MGAT5: variants seen among roughly 807,000 people sequenced by gnomAD.
The protein encoded by MGAT5 is alpha-1,6-mannosylglycoprotein 6-beta-N-acetylglucosaminyltransferase A.
MGAT5 carries 30 observed loss-of-function variants against 94.3 expected under a neutral mutation model. That is an observed-to-expected ratio of 0.32 (90% CI 0.24 to 0.43). MGAT5 has a LOEUF of 0.43. Ranked by LOEUF, MGAT5 falls within the 20% of genes least tolerant of loss-of-function variation. The pLI, the probability that MGAT5 is intolerant of heterozygous loss-of-function variation, is 1.00. For missense variants in MGAT5, 691 were observed against 905.5 expected (o/e 0.76, Z 3.04); for synonymous variants, 310 against 322.9 (o/e 0.96, Z 0.43).
intron 1 of MGAT5, among the ~76,000 whole-genome samples, chr2:134,239,627 C>A (rs1681860715): frequency 6.6e-6 from 1 of 151,950 alleles, no homozygotes; most frequent in South Asian, 2.1e-4. Flanking sequence ...TCTTTTTCCC[C>A]TTTTAAGGTC....
intron 11 of MGAT5, among the ~76,000 whole-genome samples, chr2:134,404,253 C>T (rs964722797): frequency 7.2e-5 from 11 of 152,128 alleles, no homozygotes; most frequent in African/African-American, 2.7e-4. Flanking sequence ...CTCTGGCTCG[C>T]TTTGTTTTCA....
At chr2:134,432,730 C>T (rs1318976529) in intron 14 of MGAT5, among the ~76,000 whole-genome samples, 1 of 152,166 alleles carries the variant, frequency 6.6e-6, no homozygotes, top group African/African-American at 2.4e-5. Flanking sequence ...GGCAAGTTAC[C>T]TAACATCTCT....
At chr2:134,206,449 C>T (rs1044323649) in intron 1 of MGAT5, among the ~76,000 whole-genome samples, 8 of 152,134 alleles carry the variant, frequency 5.3e-5, no homozygotes, top group Admixed American at 3.3e-4. Flanking sequence ...GTATTAATTG[C>T]CTATTGCTGC....
intron 14 of MGAT5, among the ~76,000 whole-genome samples, chr2:134,428,676 A>C (rs1296022509): frequency 6.6e-6 from 1 of 152,140 alleles, no homozygotes; most frequent in East Asian, 1.9e-4. Context: ...ATAACAAGAG[A>C]GATGGGATGA....
At position 134,449,698 on chromosome 2, in the gene MGAT5, G is replaced by A. The variant is rs1015943979; in HGVS notation, c.*851G>A. ...GGATTGAGGGATTTTGGAGTTTCTG[G>A]TAAACTCACCCTCCCTCCAGCCCCG... On this transcript the variant is annotated 3_prime_UTR_variant, in exon 16 of 16. Coordinates refer to ENST00000281923, the MANE Select transcript of MGAT5 (RefSeq NM_002410.5). The A allele has an allele frequency of 6.6e-6, 1 of 152,192 alleles. No homozygotes were observed. The highest frequency in any genetic ancestry group is 1.5e-5 in the Non-Finnish European group (1 of 68,036). 9.4% of individuals were successfully genotyped at this position (152,192 alleles called of 1,614,324 possible).
intron 1 of MGAT5, among the ~76,000 whole-genome samples, chr2:134,214,760 C>T (rs904028208): frequency 2.6e-5 from 4 of 152,118 alleles, no homozygotes; most frequent in Non-Finnish European, 4.4e-5. Flanking sequence ...TAACAGCCAA[C>T]GAACATTTTA....
At chr2:134,308,343 G>A (rs912550386) in intron 2 of MGAT5, among the ~76,000 whole-genome samples, 1 of 152,170 alleles carries the variant, frequency 6.6e-6, no homozygotes, top group African/African-American at 2.4e-5. Context: ...GACAGAGGAT[G>A]GTTTCTCTTG....
chr2:134,167,467 A>G (rs530811686), intron 1 of MGAT5, among the ~76,000 whole-genome samples: 1 of 152,284 alleles, frequency 6.6e-6, no homozygotes, highest in East Asian at 1.9e-4. Context: ...GCCCCATCCC[A>G]GAGTTTCCGA....
upstream of MGAT5, among the ~76,000 whole-genome samples, chr2:134,249,351 A>G (rs1156296767): frequency 2.0e-5 from 3 of 151,016 alleles, no homozygotes; most frequent in African/African-American, 7.3e-5. Context: ...CAATTTTAGA[A>G]CCTTTTTGTT....
chr2:134,288,037 G>T (rs1177067437), intron 2 of MGAT5, among the ~76,000 whole-genome samples: 1 of 152,142 alleles, frequency 6.6e-6, no homozygotes, highest in African/African-American at 2.4e-5. Context: ...TTCTGTCCAT[G>T]TCTTTCTTTG....
intron 1 of MGAT5, among the ~76,000 whole-genome samples, chr2:134,248,116 C>G (rs1466799974): frequency 6.6e-6 from 1 of 152,206 alleles, no homozygotes; most frequent in African/African-American, 2.4e-5. Flanking sequence ...GGTTTTACTA[C>G]TAAGGGTAAA....
intron 1 of MGAT5, among the ~76,000 whole-genome samples, chr2:134,203,686 G>T (rs1421792800): frequency 6.6e-6 from 1 of 151,752 alleles, no homozygotes; most frequent in Non-Finnish European, 1.5e-5. Flanking sequence ...GACTCTTGGG[G>T]GCCCAAGACT....
At chr2:134,151,780 G>A (rs1471908692) in intron 1 of MGAT5, among the ~76,000 whole-genome samples, 1 of 144,604 alleles carries the variant, frequency 6.9e-6, no homozygotes, top group Non-Finnish European at 1.5e-5. Context: ...CCACCACCTT[G>A]GGACCTCACT....
chr2:134,189,607 T>TTTTTTTTTTGTTTTG lies in MGAT5; in HGVS notation c.-142-64646_-142-64645insGTTTTGTTTTTTTTT, dbSNP rs1553490430. Among the ~76,000 whole-genome samples the TTTTTTTTTTGTTTTG allele has an allele frequency of 1.0e-3, 82 of 80,616 alleles. 5 individuals carry two copies. The highest frequency in any genetic ancestry group is 1.7e-3 in the Non-Finnish European group (71 of 42,862). The allele number at this position is 80,616 out of a possible 152,430, so 52.9% of individuals were successfully genotyped here. On this transcript the variant is annotated intron_variant, in intron 1 of 16. Transcript: ENST00000409645. Reference sequence around the variant, plus strand: ...CATGGCTCTAGTTTTTTTTTGTTTTTTTTTTTTTTTTTTAAGACAGAGTCT... The same window carrying TTTTTTTTTTGTTTTG: ...CATGGCTCTAGTTTTTTTTTGTTTTTTTTTTTTTTGTTTTGTTTTTTTTTTTTTAAGACAGAGTCT...
chr2:134,126,377 G>C (rs1685839982), intron 1 of MGAT5, among the ~76,000 whole-genome samples: 1 of 152,206 alleles, frequency 6.6e-6, no homozygotes, highest in Non-Finnish European at 1.5e-5. Flanking sequence ...AGAGGGGATT[G>C]AATGCGCTCC....
chr2:134,135,764 C>T (rs1686381405), intron 1 of MGAT5, among the ~76,000 whole-genome samples: 1 of 151,628 alleles, frequency 6.6e-6, no homozygotes, highest in South Asian at 2.1e-4. Flanking sequence ...ATATTGGTCC[C>T]ATAGTGCTCC....
chr2:134,451,164 C>T lies in MGAT5; in HGVS notation c.*2317C>T, dbSNP rs987901683. ...GTAACCTTAGCCCTGCCTTGTGTTC[C>T]AAAAGCTGCAAGGATCATTTGCTGG... is the stretch of plus-strand genomic sequence containing the variant. On this transcript the variant is annotated 3_prime_UTR_variant, in exon 16 of 16. Coordinates refer to ENST00000281923, the MANE Select transcript of MGAT5 (RefSeq NM_002410.5). The T allele has an allele frequency of 3.9e-5, 6 of 152,190 alleles. No homozygotes were observed. Among genetic ancestry groups the T allele is most frequent in the African/African-American group, 1.4e-4 (6 of 41,444 alleles). 9.4% of individuals were successfully genotyped at this position (152,190 alleles called of 1,614,324 possible).
intron 1 of MGAT5, among the ~76,000 whole-genome samples, chr2:134,258,338 C>CT (rs1412079851): frequency 3.3e-5 from 5 of 152,352 alleles, no homozygotes; most frequent in Non-Finnish European, 7.3e-5. Flanking sequence ...GATCAAGTTC[C>CT]TTATTGATTC....
At chr2:134,323,494 C>T (rs535178980) in intron 4 of MGAT5, among the ~76,000 whole-genome samples, 75 of 152,242 alleles carry the variant, frequency 4.9e-4, no homozygotes, top group Non-Finnish European at 8.8e-4. Context: ...CTCTTGCCAA[C>T]TCTAAAGAGT....
Sources: allele counts gnomAD v4.1 joint callset (sites outside exome capture counted in the v4.1 genomes callset), GRCh38; gene constraint gnomAD v4.1.1; transcripts MANE v1.5; gene names NCBI Gene and HGNC (gene_info 2026-07-23, HGNC 2026-07-21).